Variants in SRGAP2B observed in about 807,000 individuals in gnomAD.
SRGAP2B encodes the protein SLIT-ROBO Rho GTPase-activating protein 2B.
SRGAP2B carries 9 observed loss-of-function variants against 22.2 expected under a neutral mutation model. The ratio of observed to expected loss-of-function variants is 0.41; its 90% CI spans 0.24 to 0.71. SRGAP2B has a LOEUF of 0.71. Ranked by LOEUF, SRGAP2B falls within the 30% of genes least tolerant of loss-of-function variation. The pLI is 0.35. For missense variants in SRGAP2B, 114 were observed against 235.8 expected, an observed-to-expected ratio of 0.48 and a Z score of 3.38; for synonymous variants, 36 against 87.4, an observed-to-expected ratio of 0.41 and a Z score of 3.28.
At chr1:144,993,633 G>A (rs1471127615) in intron 3 of SRGAP2B, among the ~76,000 whole-genome samples, 1 of 149,082 alleles carries the variant, frequency 6.7e-6, no homozygotes, top group Non-Finnish European at 1.5e-5. Context: ...GATCACTAGA[G>A]CCCAAGAGTT....
intron 4 of SRGAP2B, among the ~76,000 whole-genome samples, chr1:144,920,203 C>T (rs1553604167): frequency 6.6e-6 from 1 of 151,002 alleles, no homozygotes; most frequent in Non-Finnish European, 1.5e-5. Context: ...GTCCAGCTGG[C>T]TTCACCTCTA....
intron 5 of SRGAP2B, among the ~76,000 whole-genome samples, chr1:144,907,138 CGTGTGTGTGTGTGTGTGTGTGTGTGCAT>C (rs1163175262): frequency 7.8e-6 from 1 of 128,308 alleles, no homozygotes; most frequent in Non-Finnish European, 1.7e-5. Flanking sequence ...TGTGTGTGTG[CGTGTGTGTGTGTGTGTGTGTGTGTGCAT>C]GTGTGTGTGT....
chr1:144,928,455 T>A (rs1197103229), intron 4 of SRGAP2B, among the ~76,000 whole-genome samples: 2 of 122,588 alleles, frequency 1.6e-5, no homozygotes, highest in Admixed American at 1.6e-4. Flanking sequence ...TTATTTATTT[T>A]GAGATGGAGT....
In SRGAP2B at chr1:144,957,944, G is replaced by A. The variant is rs1349586401; in HGVS notation, c.261-2343C>T. Reference sequence around the variant, plus strand: ...TTAAGGAAGAAGATGGATTGGGGGGGATCTATACTGGTTCTTTCCCTATAG... The same window carrying A: ...TTAAGGAAGAAGATGGATTGGGGGGAATCTATACTGGTTCTTTCCCTATAG... On this transcript the variant is annotated intron_variant, in intron 3 of 9. Coordinates refer to ENST00000612199, the Ensembl canonical transcript of SRGAP2B. Among the ~76,000 whole-genome samples the A allele has an allele frequency of 2.0e-5, 3 of 149,582 alleles. 1 individual carries two copies. Among genetic ancestry groups the A allele is most frequent in the Admixed American group, 1.3e-4 (2 of 15,126 alleles).
At chr1:144,992,217 G>A (rs1435567322) in intron 3 of SRGAP2B, among the ~76,000 whole-genome samples, 3 of 150,598 alleles carry the variant, frequency 2.0e-5, no homozygotes, top group Non-Finnish European at 4.4e-5. Flanking sequence ...GAACACATCT[G>A]AACATCAGAA....
At chr1:145,039,494 G>A (rs1649011622) in intron 2 of SRGAP2B, among the ~76,000 whole-genome samples, 2 of 148,058 alleles carry the variant, frequency 1.4e-5, no homozygotes, top group African/African-American at 5.0e-5. Context: ...AAAAAAAAAA[G>A]ATAAATGCAA....
chr1:145,068,833 A>G (rs1468310655), intron 2 of SRGAP2B, among the ~76,000 whole-genome samples: 3 of 148,358 alleles, frequency 2.0e-5, no homozygotes, highest in Non-Finnish European at 4.4e-5. Context: ...CAGCTATTTA[A>G]AATATATAGA....
At chr1:144,975,999 C>T (rs1261095193) in intron 3 of SRGAP2B, among the ~76,000 whole-genome samples, 1 of 148,882 alleles carries the variant, frequency 6.7e-6, no homozygotes, top group Non-Finnish European at 1.5e-5. Flanking sequence ...TCAGCCTCCC[C>T]AGTAGCTGGG....
At chr1:144,944,091 A>C (rs1238656674) in intron 4 of SRGAP2B, among the ~76,000 whole-genome samples, 3 of 150,192 alleles carry the variant, frequency 2.0e-5, no homozygotes, top group Non-Finnish European at 4.4e-5. Context: ...CCAAGCCCCC[A>C]CAAGATCAAG....
At chr1:145,030,376 C>A (rs1648137179) in intron 2 of SRGAP2B, among the ~76,000 whole-genome samples, 1 of 147,506 alleles carries the variant, frequency 6.8e-6, no homozygotes. Context: ...ACTATACAGC[C>A]ATAAAAAAGG....
intron 8 of SRGAP2B, among the ~76,000 whole-genome samples, chr1:144,894,005 G>A (rs1662247851): frequency 6.9e-6 from 1 of 145,118 alleles, no homozygotes; most frequent in Non-Finnish European, 1.5e-5. Flanking sequence ...CAATGAGAAA[G>A]CGTGAAGCCA....
chr1:144,986,821 T>C (rs1260564601), intron 3 of SRGAP2B, among the ~76,000 whole-genome samples: 3 of 150,076 alleles, frequency 2.0e-5, no homozygotes, highest in Admixed American at 6.6e-5. Flanking sequence ...TTTAATCTTC[T>C]GGCCCCTATC....
intron 2 of SRGAP2B, among the ~76,000 whole-genome samples, chr1:145,066,693 G>A (rs587694321): frequency 3.8e-4 from 58 of 151,870 alleles, no homozygotes; most frequent in African/African-American, 1.2e-3. Context: ...ACCCCAGCCC[G>A]GGAGCACAGA....
At chr1:144,923,095 A>C (rs1467828631) in intron 4 of SRGAP2B, among the ~76,000 whole-genome samples, 8 of 150,608 alleles carry the variant, frequency 5.3e-5, no homozygotes, top group Non-Finnish European at 1.0e-4. Context: ...GGGTGGGGTC[A>C]GGAAGAGGAT....
intron 2 of SRGAP2B, among the ~76,000 whole-genome samples, chr1:145,022,592 T>C (rs1245049293): frequency 6.7e-6 from 1 of 148,954 alleles, no homozygotes; most frequent in African/African-American, 2.6e-5. Context: ...TCAGAGATCA[T>C]GGCTTTTCTT....
intron 4 of SRGAP2B, among the ~76,000 whole-genome samples, chr1:144,951,244 T>C (rs1414772011): frequency 6.8e-6 from 1 of 147,506 alleles, no homozygotes; most frequent in East Asian, 1.9e-4. Context: ...GGCATGATTA[T>C]AGATCACTGC....
At chr1:145,008,339 GCTCA>G (rs1353359144) in intron 2 of SRGAP2B, among the ~76,000 whole-genome samples, 1 of 52,314 alleles carries the variant, frequency 1.9e-5, no homozygotes, top group African/African-American at 9.0e-5. Context: ...GCTGGTTGTG[GCTCA>G]CTAATTTGCT....
At chr1:145,068,916 TG>T (rs1651816031) in intron 2 of SRGAP2B, among the ~76,000 whole-genome samples, 4 of 144,048 alleles carry the variant, frequency 2.8e-5, no homozygotes, top group Admixed American at 6.9e-5. Context: ...TGTGTGTGTG[TG>T]TGTGTGTGTG....
chr1:144,911,624 T>G (rs1444774760), intron 5 of SRGAP2B, among the ~76,000 whole-genome samples: 7 of 148,138 alleles, frequency 4.7e-5, no homozygotes, highest in Non-Finnish European at 1.0e-4. Context: ...CTGCTATTTT[T>G]TTTTTTTTTT....
Sources: gnomAD v4.1 joint callset for allele counts (sites outside exome capture counted in the v4.1 genomes callset) on GRCh38, gnomAD v4.1.1 for gene constraint, MANE v1.5 for transcripts, NCBI Gene and HGNC (gene_info 2026-07-23, HGNC 2026-07-21) for gene names.